Variants in KCNH7 observed in about 807,000 individuals in gnomAD.
KCNH7 encodes the protein potassium voltage-gated channel subfamily H member 7, also known as voltage-gated inwardly rectifying potassium channel KCNH7.
Under a neutral mutation model 120.8 loss-of-function variants are expected in KCNH7, and 49 were observed. That is an observed-to-expected ratio of 0.41 (90% CI 0.32 to 0.51). The LOEUF (loss-of-function observed/expected upper bound fraction) is 0.51, where lower values mean the gene tolerates loss of function less well. KCNH7 is among the 20% of genes least tolerant of loss of function. KCNH7 has a pLI of 0.38. For missense variants in KCNH7, 1,097 were observed against 1,446.6 expected, an observed-to-expected ratio of 0.76 and a Z score of 3.92; for synonymous variants, 547 against 516.1, an observed-to-expected ratio of 1.06 and a Z score of -0.81.
In KCNH7 at chr2:162,463,794, A is replaced by C. The variant is rs1689225812; in HGVS notation, c.1129-17351T>G. On this transcript the variant is annotated intron_variant, in intron 6 of 15. Transcript: ENST00000332142. ...TTCCATGTTCAAATAATAAAAAAAAACAACTATAACAAAAAAGTAAAAAAA... is the reference window on the plus strand; with the variant it reads ...TTCCATGTTCAAATAATAAAAAAAACCAACTATAACAAAAAAGTAAAAAAA... Among the ~76,000 whole-genome samples, 5 of 151,178 alleles carry C rather than the reference A, an allele frequency of 3.3e-5. No individual in the cohort carries two copies. The South Asian group carries it at 8.3e-4, about 25-fold the overall frequency.
intron 8 of KCNH7, among the ~76,000 whole-genome samples, chr2:162,429,381 G>GTTTTTTTTTTTTTTT (rs1158431426): frequency 6.9e-5 from 3 of 43,410 alleles, no homozygotes; most frequent in African/African-American, 4.3e-4. Flanking sequence ...TGAGGAAAAA[G>GTTTTTTTTTTTTTTT]TCTTTTTTTT....
chr2:162,692,215 T>C (rs972777804), intron 2 of KCNH7, among the ~76,000 whole-genome samples: 3 of 146,272 alleles, frequency 2.1e-5, no homozygotes. Flanking sequence ...AACATCCACC[T>C]CTTGGGTTCA....
intron 7 of KCNH7, among the ~76,000 whole-genome samples, chr2:162,441,996 C>CTTTTTTTTTTT (rs1558947048): frequency 1.4e-4 from 2 of 14,566 alleles, no homozygotes; most frequent in Admixed American, 7.1e-4. Flanking sequence ...ATAGTTAGGT[C>CTTTTTTTTTTT]TTCTTTTTTT....
chr2:162,638,102 T>C (rs1684025625), intron 2 of KCNH7, among the ~76,000 whole-genome samples: 1 of 152,046 alleles, frequency 6.6e-6, no homozygotes, highest in Non-Finnish European at 1.5e-5. Flanking sequence ...TTTTTGACAT[T>C]GAGGTGATAG....
intron 9 of KCNH7, among the ~76,000 whole-genome samples, chr2:162,401,151 C>G (rs16846671): frequency 6.6e-6 from 1 of 151,804 alleles, no homozygotes; most frequent in Non-Finnish European, 1.5e-5. Context: ...TTTTGACAAC[C>G]TATTCAGGGC....
intron 2 of KCNH7, among the ~76,000 whole-genome samples, chr2:162,770,355 T>G (rs544325403): frequency 6.6e-6 from 1 of 150,748 alleles, no homozygotes; most frequent in Admixed American, 6.6e-5. Context: ...TATATATACA[T>G]ATTTTCTTTA....
intron 14 of KCNH7, among the ~76,000 whole-genome samples, chr2:162,375,267 A>G (rs981703103): frequency 1.3e-5 from 2 of 152,208 alleles, no homozygotes; most frequent in Non-Finnish European, 2.9e-5. Flanking sequence ...GAAAGACTGG[A>G]AGAAGAACTG....
intron 2 of KCNH7, among the ~76,000 whole-genome samples, chr2:162,828,485 T>C (rs1362000676): frequency 1.3e-5 from 2 of 152,070 alleles, no homozygotes; most frequent in Non-Finnish European, 2.9e-5. Flanking sequence ...CATGCAGTTA[T>C]TACATTTTTC....
intron 2 of KCNH7, among the ~76,000 whole-genome samples, chr2:162,650,379 A>C (rs752062174): frequency 7.9e-5 from 12 of 152,160 alleles, no homozygotes; most frequent in Admixed American, 2.6e-4. Context: ...GTTCATTTGT[A>C]ATTCTATAGC....
Position 162,634,025 on chromosome 2 carries a change from T to C in KCNH7, c.308-96945A>G, listed in dbSNP as rs527633932. On this transcript the variant is annotated intron_variant, in intron 2 of 15. Transcript: ENST00000332142. The stretch of plus-strand genomic sequence containing the variant: ...TATTGTTAAACATTTTCCTAGAATA[T>C]GTATTTATCTGTGTGTGTAACGAAT... 9.2e-5 allele frequency among the ~76,000 whole-genome samples: 14 copies of C among 152,162 alleles called. No individual in the cohort carries two copies. The South Asian group carries it at 2.5e-3, about 27-fold the overall frequency.
chr2:162,674,852 T>C (rs898640693), intron 2 of KCNH7, among the ~76,000 whole-genome samples: 5 of 151,674 alleles, frequency 3.3e-5, no homozygotes, highest in African/African-American at 1.2e-4. Flanking sequence ...CTGTAAAAGT[T>C]TTAGAAGATA....
intron 12 of KCNH7, among the ~76,000 whole-genome samples, chr2:162,392,609 A>C (rs1392995809): frequency 6.6e-6 from 1 of 152,030 alleles, no homozygotes; most frequent in Non-Finnish European, 1.5e-5. Flanking sequence ...CACTAAAACT[A>C]CAGGGGGCCA....
intron 6 of KCNH7, among the ~76,000 whole-genome samples, chr2:162,457,332 AG>A (rs1325855780): frequency 6.6e-6 from 1 of 152,098 alleles, no homozygotes; most frequent in Admixed American, 6.6e-5. Flanking sequence ...TAAGAGAGAG[AG>A]AAAAAAATAA....
intron 2 of KCNH7, among the ~76,000 whole-genome samples, chr2:162,755,687 C>G (rs1040290670): frequency 6.6e-6 from 1 of 152,038 alleles, no homozygotes; most frequent in African/African-American, 2.4e-5. Context: ...AGTATGATAA[C>G]AATTTCAATC....
chr2:162,816,764 A>T lies in KCNH7; in HGVS notation c.307+19773T>A, dbSNP rs142256937. Among the ~76,000 whole-genome samples the T allele has an allele frequency of 2.6e-3, 389 of 152,322 alleles. 4 individuals are homozygous for T. The highest frequency in any genetic ancestry group is 5.8e-3 in the African/African-American group (241 of 41,584). ...GAAAAATAAACTAAACCAATGGCTT[A>T]TCAGTATGAGTAGCCCTGATTTCCT... On this transcript the variant is annotated intron_variant, in intron 2 of 15. Transcript: ENST00000332142.
At chr2:162,651,524 A>T (rs1349004204) in intron 2 of KCNH7, among the ~76,000 whole-genome samples, 2 of 152,086 alleles carry the variant, frequency 1.3e-5, no homozygotes, top group Non-Finnish European at 2.9e-5. Flanking sequence ...TCCATCTGCA[A>T]AATACACAAT....
At chr2:162,731,747 A>G (rs1294060563) in intron 2 of KCNH7, among the ~76,000 whole-genome samples, 1 of 152,168 alleles carries the variant, frequency 6.6e-6, no homozygotes, top group Admixed American at 6.6e-5. Context: ...TGAAAAGGTT[A>G]TAACTTTATA....
chr2:162,697,196 A>C (rs768764479), intron 2 of KCNH7, among the ~76,000 whole-genome samples: 2 of 152,052 alleles, frequency 1.3e-5, no homozygotes, highest in Admixed American at 6.6e-5. Flanking sequence ...ATACACCACC[A>C]CCCATAATTT....
intron 2 of KCNH7, among the ~76,000 whole-genome samples, chr2:162,654,813 A>T (rs1324621388): frequency 6.6e-6 from 1 of 152,172 alleles, no homozygotes; most frequent in Non-Finnish European, 1.5e-5. Flanking sequence ...ATTGAAGGAA[A>T]TTCTTGTCAT....
Sources: gnomAD v4.1 joint callset for allele counts (sites outside exome capture counted in the v4.1 genomes callset) on GRCh38, gnomAD v4.1.1 for gene constraint, MANE v1.5 for transcripts, NCBI Gene and HGNC (gene_info 2026-07-23, HGNC 2026-07-21) for gene names.